The following CTNNA2 variants were observed in gnomAD, a reference collection of about 807,000 sequenced individuals.
CTNNA2 encodes catenin alpha 2.
CTNNA2 carries 42 observed loss-of-function variants against 101.0 expected under a neutral mutation model. The observed-to-expected ratio is 0.42, with a 90% CI of 0.32 to 0.54. CTNNA2 has a LOEUF of 0.54. Among genes scored for constraint, CTNNA2 ranks in the 20% least tolerant of loss-of-function variants. The pLI, the probability that CTNNA2 is intolerant of heterozygous loss-of-function variation, is 0.14. For synonymous variants in CTNNA2, 450 were observed against 456.4 expected (o/e 0.99, Z 0.18); for missense variants, 871 against 1,223.1 (o/e 0.71, Z 4.29).
intron 4 of CTNNA2, among the ~76,000 whole-genome samples, chr2:79,482,411 A>G (rs901676500): frequency 1.3e-5 from 2 of 152,196 alleles, no homozygotes; most frequent in Admixed American, 6.5e-5. Flanking sequence ...AGTTTGCACA[A>G]TGTACTAGGG....
At chr2:79,553,065 T>G (rs1674212386) in intron 1 of CTNNA2, among the ~76,000 whole-genome samples, 1 of 152,204 alleles carries the variant, frequency 6.6e-6, no homozygotes, top group African/African-American at 2.4e-5. Flanking sequence ...TTCCAAACTT[T>G]TACAACTCTG....
At chr2:79,825,961 C>T (rs976059748) in intron 3 of CTNNA2, among the ~76,000 whole-genome samples, 3 of 152,042 alleles carry the variant, frequency 2.0e-5, no homozygotes, top group South Asian at 2.1e-4. Flanking sequence ...TATTATAATA[C>T]GTTGTGATGG....
chr2:80,505,795 G>T (rs775734870), intron 9 of CTNNA2, among the ~76,000 whole-genome samples: 2 of 152,168 alleles, frequency 1.3e-5, no homozygotes, highest in Non-Finnish European at 2.9e-5. Flanking sequence ...ACTTGGATAT[G>T]AAAATTTCCA....
chr2:80,283,277 G>T (rs1437601707), intron 7 of CTNNA2, among the ~76,000 whole-genome samples: 1 of 152,026 alleles, frequency 6.6e-6, no homozygotes, highest in Non-Finnish European at 1.5e-5. Context: ...GGTGCAGGGA[G>T]GGGAGAGAAT....
intron 7 of CTNNA2, among the ~76,000 whole-genome samples, chr2:80,356,503 G>A (rs1673815706): frequency 6.6e-6 from 1 of 152,114 alleles, no homozygotes; most frequent in Admixed American, 6.6e-5. Context: ...CATTTATTGT[G>A]TACCCATGAT....
chr2:79,375,783 A>C (rs753147477), intron 4 of CTNNA2, among the ~76,000 whole-genome samples: 1 of 152,240 alleles, frequency 6.6e-6, no homozygotes, highest in South Asian at 2.1e-4. Context: ...CACTTCAAAC[A>C]TGCCGGTGCA....
At chr2:79,886,793 T>G (rs1438350603) in intron 6 of CTNNA2, among the ~76,000 whole-genome samples, 2 of 137,666 alleles carry the variant, frequency 1.5e-5, no homozygotes, top group Admixed American at 1.5e-4. Flanking sequence ...AATGGCATGG[T>G]CAGACTTGTG....
At chr2:79,975,351 C>A (rs1054494282) in intron 7 of CTNNA2, among the ~76,000 whole-genome samples, 9 of 152,158 alleles carry the variant, frequency 5.9e-5, no homozygotes, top group African/African-American at 2.2e-4. Context: ...TCTACTGTCA[C>A]AACACCGTCA....
At chr2:80,598,054 C>A (rs758223325) in intron 15 of CTNNA2, among the ~76,000 whole-genome samples, 6 of 152,124 alleles carry the variant, frequency 3.9e-5, no homozygotes, top group Non-Finnish European at 8.8e-5. Context: ...TTGGAACCAA[C>A]TCAGATGCCC....
chr2:79,557,944 ATGT>A (rs1386280330), intron 1 of CTNNA2, among the ~76,000 whole-genome samples: 1 of 151,878 alleles, frequency 6.6e-6, no homozygotes, highest in Non-Finnish European at 1.5e-5. Flanking sequence ...GTTGGGCTTG[ATGT>A]TGTTTTGTTT....
chr2:79,678,677 G>T (rs892404272), intron 2 of CTNNA2, among the ~76,000 whole-genome samples: 10 of 152,076 alleles, frequency 6.6e-5, no homozygotes, highest in African/African-American at 2.4e-4. Context: ...ATCCCTCCCT[G>T]TCTGACTGGG....
At chr2:79,911,881 T>C (rs1365678710) in intron 7 of CTNNA2, among the ~76,000 whole-genome samples, 1 of 152,244 alleles carries the variant, frequency 6.6e-6, no homozygotes, top group Non-Finnish European at 1.5e-5. Context: ...ATAATTCCTG[T>C]CCAGTGCACT....
chr2:79,185,490 A>C (rs1390912104), intron 1 of CTNNA2: 1 of 152,174 alleles, frequency 6.6e-6, no homozygotes, highest in African/African-American at 2.4e-5. Context: ...TATGTTTTTC[A>C]TGTATCTTGG....
intron 9 of CTNNA2, among the ~76,000 whole-genome samples, chr2:80,525,132 A>G (rs1434962304): frequency 6.6e-6 from 1 of 151,740 alleles, no homozygotes; most frequent in Non-Finnish European, 1.5e-5. Context: ...GAAGACAAGC[A>G]ATGTCTTCTC....
intron 9 of CTNNA2, among the ~76,000 whole-genome samples, chr2:80,505,536 G>A (rs932892791): frequency 6.6e-6 from 1 of 152,176 alleles, no homozygotes; most frequent in South Asian, 2.1e-4. Context: ...AAAACTGAAA[G>A]CCTATGTCTT....
At chr2:80,342,092 T>G (rs1461987243) in intron 7 of CTNNA2, among the ~76,000 whole-genome samples, 2 of 152,192 alleles carry the variant, frequency 1.3e-5, no homozygotes, top group Non-Finnish European at 2.9e-5. Flanking sequence ...GATTAGTGAC[T>G]GTCTATGGCT....
chr2:79,938,105 A>G (rs1201935798), intron 7 of CTNNA2, among the ~76,000 whole-genome samples: 1 of 152,230 alleles, frequency 6.6e-6, no homozygotes, highest in African/African-American at 2.4e-5. Context: ...TTTTCCCTCA[A>G]AAATGGCAGT....
intron 7 of CTNNA2, among the ~76,000 whole-genome samples, chr2:80,324,581 T>C (rs1468481126): frequency 1.3e-5 from 2 of 152,194 alleles, no homozygotes; most frequent in Non-Finnish European, 2.9e-5. Context: ...AAAGGTGAGA[T>C]GTTAATTCTT....
chr2:79,216,965 G>A (rs1366221972), intron 2 of CTNNA2, among the ~76,000 whole-genome samples: 2 of 152,174 alleles, frequency 1.3e-5, no homozygotes, highest in Non-Finnish European at 1.5e-5. Flanking sequence ...AGGGAAGGCT[G>A]CCTTCCTGAG....
Sources: allele counts gnomAD v4.1 joint callset (sites outside exome capture counted in the v4.1 genomes callset), GRCh38; gene constraint gnomAD v4.1.1; transcripts MANE v1.5; gene names NCBI Gene and HGNC (gene_info 2026-07-23, HGNC 2026-07-21).